The following XIRP2 variants were observed in gnomAD, a reference collection of about 807,000 sequenced individuals.
The protein encoded by XIRP2 is xin actin-binding repeat-containing protein 2.
In XIRP2, 236 loss-of-function variants were observed where a neutral mutation model predicts 277.0. That is an observed-to-expected ratio of 0.85 (90% CI 0.77 to 0.95). XIRP2 has a LOEUF of 0.95. Ranked by LOEUF, XIRP2 falls within the 40% of genes least tolerant of loss-of-function variation. XIRP2 has a pLI of 0.00. For missense variants in XIRP2, 4,640 were observed against 4,157.5 expected, an observed-to-expected ratio of 1.12 and a Z score of -3.19; for synonymous variants, 1,490 against 1,416.5, an observed-to-expected ratio of 1.05 and a Z score of -1.17.
chr2:167,037,767 C>T (rs1490681258), intron 2 of XIRP2, among the ~76,000 whole-genome samples: 1 of 151,718 alleles, frequency 6.6e-6, no homozygotes, highest in Admixed American at 6.6e-5. Flanking sequence ...AATCAGAATA[C>T]AAGAGTCTAT....
intron 2 of XIRP2, among the ~76,000 whole-genome samples, chr2:166,932,227 T>C (rs1270682838): frequency 6.6e-6 from 1 of 151,948 alleles, no homozygotes; most frequent in Non-Finnish European, 1.5e-5. Context: ...TTTTTTTTTT[T>C]TTTAATTGAG....
rs1171245623 is a variant in XIRP2 at position 167,243,626 on chromosome 2, G to A, written c.2234G>A (p.Arg745Lys). 7.4e-6 allele frequency: 12 copies of A among 1,614,028 alleles called. No individual in the cohort carries two copies. The highest frequency in any genetic ancestry group is 1.0e-5 in the Non-Finnish European group (12 of 1,179,986). ...GAAACTCAACCATTATATGTTATTA[G>A]AGATGGTTCGGGCCAAATGCTGGAA... ...CFETQPLYVIRDGSGQMLEIK... is the reference protein window; with the variant it reads ...CFETQPLYVIKDGSGQMLEIK... The change falls in exon 9 of 11, where the codon AGA becomes AAA. Residue 745 changes from arginine (R) to lysine (K), a missense_variant. Transcript: ENST00000409195.
chr2:167,223,953 A>G (rs991894543), intron 5 of XIRP2, among the ~76,000 whole-genome samples: 1 of 152,178 alleles, frequency 6.6e-6, no homozygotes, highest in African/African-American at 2.4e-5. Context: ...TGCTGCTATG[A>G]CAGAATACCA....
At chr2:166,967,358 A>G (rs543396486) in intron 2 of XIRP2, among the ~76,000 whole-genome samples, 2 of 152,030 alleles carry the variant, frequency 1.3e-5, no homozygotes, top group East Asian at 1.9e-4. Context: ...CTAAAATTAT[A>G]TTAAATAACT....
intron 1 of XIRP2, among the ~76,000 whole-genome samples, chr2:166,895,476 A>G (rs1393405958): frequency 6.6e-6 from 1 of 152,172 alleles, no homozygotes; most frequent in Non-Finnish European, 1.5e-5. Flanking sequence ...GGGTCCCACC[A>G]TACCCAACAA....
chr2:167,190,345 G>A (rs1693292705), intron 3 of XIRP2, among the ~76,000 whole-genome samples: 1 of 151,850 alleles, frequency 6.6e-6, no homozygotes. Context: ...TGTTTTTTCT[G>A]GCAACCAGCC....
intron 3 of XIRP2, among the ~76,000 whole-genome samples, chr2:167,165,091 C>T (rs1341494755): frequency 6.6e-6 from 1 of 152,152 alleles, no homozygotes; most frequent in African/African-American, 2.4e-5. Flanking sequence ...TAGTTGGAAT[C>T]GTACAAAAGG....
chr2:167,135,415 T>A (rs1453696404), intron 2 of XIRP2, among the ~76,000 whole-genome samples: 1 of 152,134 alleles, frequency 6.6e-6, no homozygotes, highest in Non-Finnish European at 1.5e-5. Flanking sequence ...ATCGAAAAAC[T>A]GTATTCAATG....
intron 3 of XIRP2, among the ~76,000 whole-genome samples, chr2:167,158,621 G>A (rs192605896): frequency 1.1e-3 from 174 of 152,256 alleles, no homozygotes; most frequent in Non-Finnish European, 1.7e-3. Context: ...CAAACATGGT[G>A]TTGCCTCTGG....
intron 2 of XIRP2, among the ~76,000 whole-genome samples, chr2:167,001,881 T>C (rs917531821): frequency 6.6e-6 from 1 of 152,170 alleles, no homozygotes; most frequent in Non-Finnish European, 1.5e-5. Flanking sequence ...TGAAAAATGT[T>C]GTGTAGCACT....
At chr2:167,036,948 T>C (rs1050551905) in intron 2 of XIRP2, among the ~76,000 whole-genome samples, 2 of 152,174 alleles carry the variant, frequency 1.3e-5, no homozygotes, top group East Asian at 1.9e-4. Flanking sequence ...GCTGCCACCA[T>C]GTAAGAAGTG....
At position 167,259,034 on chromosome 2, in the gene XIRP2, A is replaced by T; in HGVS notation, c.*1217A>T. ...AAACATTAAAGGAAGCCATTCAAAG[A>T]GCAAAAATTTACACTTTTTCTTTTC... is the stretch of plus-strand genomic sequence containing the variant. On this transcript the variant is annotated 3_prime_UTR_variant, in exon 11 of 11. Coordinates refer to ENST00000409195, the MANE Select transcript of XIRP2 (RefSeq NM_152381.6). The T allele has an allele frequency of 6.2e-7, 1 of 1,609,948 alleles. No homozygotes were observed. The highest frequency in any genetic ancestry group is 8.5e-7 in the Non-Finnish European group (1 of 1,177,272).
At chr2:167,204,456 G>A (rs1040450853) in intron 3 of XIRP2, among the ~76,000 whole-genome samples, 2 of 152,180 alleles carry the variant, frequency 1.3e-5, no homozygotes, top group African/African-American at 4.8e-5. Context: ...TTGTCACAGA[G>A]CCTGGGGCCA....
intron 10 of XIRP2, among the ~76,000 whole-genome samples, chr2:167,257,497 G>T (rs188310142): frequency 2.3e-4 from 35 of 152,012 alleles, no homozygotes; most frequent in Admixed American, 2.2e-3. Flanking sequence ...TCATATTGTT[G>T]ATTTGTATGT....
intron 2 of XIRP2, among the ~76,000 whole-genome samples, chr2:167,091,845 TCTC>T (rs1345910412): frequency 6.6e-6 from 1 of 152,142 alleles, no homozygotes; most frequent in Admixed American, 6.5e-5. Context: ...TGAAGATGGT[TCTC>T]CTTCCTTTTC....
intron 2 of XIRP2, among the ~76,000 whole-genome samples, chr2:167,088,980 C>G (rs541241851): frequency 6.6e-6 from 1 of 152,236 alleles, no homozygotes; most frequent in South Asian, 2.1e-4. Context: ...TTTCCCTGTA[C>G]CTGGCATGTA....
intron 3 of XIRP2, among the ~76,000 whole-genome samples, chr2:167,182,396 A>G (rs988488110): frequency 6.6e-6 from 1 of 152,140 alleles, no homozygotes; most frequent in Non-Finnish European, 1.5e-5. Flanking sequence ...TAAAGTTCCC[A>G]TACCTCCCCT....
intron 3 of XIRP2, among the ~76,000 whole-genome samples, chr2:167,185,003 T>G (rs1350445847): frequency 6.6e-6 from 1 of 152,180 alleles, no homozygotes; most frequent in East Asian, 1.9e-4. Flanking sequence ...CTACCCGTCA[T>G]TCATCTGTCT....
rs146060293 is a variant in XIRP2 at position 167,031,908 on chromosome 2, C to G, written c.409-104001C>G. Among the ~76,000 whole-genome samples, 469 of 152,136 alleles carry G rather than the reference C, an allele frequency of 3.1e-3. 5 individuals are homozygous for G. Among genetic ancestry groups the G allele is most frequent in the African/African-American group, 0.011 (437 of 41,496 alleles). On this transcript the variant is annotated intron_variant, in intron 2 of 10. Coordinates refer to ENST00000409195, the MANE Select transcript of XIRP2 (RefSeq NM_152381.6). ...GTAATTTATAGATTCAGTGCTACCC[C>G]CATCAAGCTGCCATTGACTTTTTCA...
Sources: gnomAD v4.1 joint callset for allele counts (sites outside exome capture counted in the v4.1 genomes callset) on GRCh38, gnomAD v4.1.1 for gene constraint, MANE v1.5 for transcripts, NCBI Gene and HGNC (gene_info 2026-07-23, HGNC 2026-07-21) for gene names.